ATXN1: variants seen among roughly 807,000 people sequenced by gnomAD.
ATXN1 encodes the protein ataxin 1, also known as ataxin-1.
A neutral mutation model predicts 56.4 loss-of-function variants in ATXN1; 8 were observed. The ratio of observed to expected loss-of-function variants is 0.14; its 90% CI spans 0.08 to 0.26. The LOEUF is 0.26. Ranked by LOEUF, ATXN1 falls within the 10% of genes least tolerant of loss-of-function variation. ATXN1 has a pLI of 1.00. For synonymous variants in ATXN1, 514 were observed against 494.6 expected (o/e 1.04, Z -0.52); for missense variants, 987 against 1,106.5 (o/e 0.89, Z 1.53).
chr6:16,398,812 C>T (rs945385647), intron 6 of ATXN1, among the ~76,000 whole-genome samples: 1 of 152,206 alleles, frequency 6.6e-6, no homozygotes, highest in African/African-American at 2.4e-5. Context: ...CACAACACTG[C>T]TTATGAATTG....
chr6:16,629,334 C>T (rs950048331), intron 3 of ATXN1, among the ~76,000 whole-genome samples: 7 of 152,064 alleles, frequency 4.6e-5, no homozygotes, highest in African/African-American at 1.7e-4. Context: ...AACCTTCTCC[C>T]CGCCTCCCCC....
intron 3 of ATXN1, among the ~76,000 whole-genome samples, chr6:16,602,138 A>T (rs145923933): frequency 1.2e-3 from 183 of 152,288 alleles, no homozygotes; most frequent in African/African-American, 4.0e-3. Context: ...AAAGATAAGC[A>T]GAGTTGTCTT....
intron 3 of ATXN1, among the ~76,000 whole-genome samples, chr6:16,592,154 C>T (rs895025447): frequency 6.6e-6 from 1 of 152,094 alleles, no homozygotes; most frequent in African/African-American, 2.4e-5. Flanking sequence ...GAATAAGCGA[C>T]GACTCCCGGG....
intron 6 of ATXN1, among the ~76,000 whole-genome samples, chr6:16,342,045 T>C (rs1186409649): frequency 2.0e-5 from 3 of 151,876 alleles, no homozygotes; most frequent in Non-Finnish European, 4.4e-5. Flanking sequence ...CTGGCTATGT[T>C]ATTTTTATTT....
intron 2 of ATXN1, among the ~76,000 whole-genome samples, chr6:16,683,778 C>T (rs1001804318): frequency 5.9e-5 from 9 of 152,178 alleles, no homozygotes; most frequent in African/African-American, 1.9e-4. Flanking sequence ...ATTGCTCTGC[C>T]GCCACCATGG....
At chr6:16,384,976 T>C (rs1484927575) in intron 6 of ATXN1, among the ~76,000 whole-genome samples, 3 of 152,234 alleles carry the variant, frequency 2.0e-5, no homozygotes, top group African/African-American at 4.8e-5. Flanking sequence ...ATGAGTTTCA[T>C]GGGTGGGAAG....
chr6:16,436,636 G>A (rs535527409), intron 6 of ATXN1, among the ~76,000 whole-genome samples: 1 of 151,958 alleles, frequency 6.6e-6, no homozygotes, highest in African/African-American at 2.4e-5. Flanking sequence ...CCTGGGGTGG[G>A]CTCCTGTGTG....
chr6:16,617,386 T>A (rs1394528344), intron 3 of ATXN1, among the ~76,000 whole-genome samples: 1 of 151,276 alleles, frequency 6.6e-6, no homozygotes, highest in Non-Finnish European at 1.5e-5. Flanking sequence ...TATGTACACA[T>A]GAAAGAATAA....
At position 16,303,708 on chromosome 6, in the gene ATXN1, G is replaced by A. The variant is rs1219122352; in HGVS notation, c.*2621C>T. On this transcript the variant is annotated 3_prime_UTR_variant, in exon 8 of 8. Coordinates refer to ENST00000436367, the MANE Select transcript of ATXN1 (RefSeq NM_001128164.2). This position sits in a 1 kb window ranked among gnomAD's most constrained non-coding sequence, Gnocchi z 4.3. Reference sequence around the variant, plus strand: ...TTTCCCATCTTAGTGTTGGTTTAGTGGATCCAGTCAATTCAATACTCGAAG... The same window carrying A: ...TTTCCCATCTTAGTGTTGGTTTAGTAGATCCAGTCAATTCAATACTCGAAG... 1 of 152,578 alleles carries A rather than the reference G, an allele frequency of 6.6e-6. No homozygotes were observed. The highest frequency in any genetic ancestry group is 1.5e-5 in the Non-Finnish European group (1 of 68,032). The allele number at this position is 152,578 out of a possible 1,614,324, so 9.5% of individuals were successfully genotyped here. A position where few individuals can be genotyped will look rare whatever the true frequency, so the allele number is the denominator to read the frequency against.
intron 6 of ATXN1, among the ~76,000 whole-genome samples, chr6:16,375,624 T>C (rs1762127862): frequency 6.6e-6 from 1 of 152,164 alleles, no homozygotes; most frequent in Admixed American, 6.5e-5. Flanking sequence ...CATTTGTAAG[T>C]GAGTGCTGGA....
At chr6:16,460,883 A>C (rs568587061) in intron 6 of ATXN1, among the ~76,000 whole-genome samples, 22 of 152,260 alleles carry the variant, frequency 1.4e-4, no homozygotes, top group Non-Finnish European at 2.2e-4. Flanking sequence ...CGGGAAAGGA[A>C]AAAAGAATAA....
At chr6:16,719,271 AT>A (rs939486767) in intron 2 of ATXN1, among the ~76,000 whole-genome samples, 35 of 152,272 alleles carry the variant, frequency 2.3e-4, no homozygotes, top group East Asian at 5.8e-4. Context: ...ATAAACATAC[AT>A]TTTTTTATAC....
chr6:16,445,574 C>T (rs576581537), intron 6 of ATXN1, among the ~76,000 whole-genome samples: 1 of 151,540 alleles, frequency 6.6e-6, no homozygotes, highest in African/African-American at 2.4e-5. Flanking sequence ...GCACAATGTG[C>T]AGGTTAGTTA....
intron 4 of ATXN1, among the ~76,000 whole-genome samples, chr6:16,584,016 A>G (rs182614784): frequency 8.6e-5 from 13 of 151,792 alleles, no homozygotes; most frequent in Admixed American, 7.2e-4. Flanking sequence ...AACATTTCAT[A>G]TATATTATTT....
chr6:16,404,043 T>C (rs1374841900), intron 6 of ATXN1, among the ~76,000 whole-genome samples: 1 of 152,132 alleles, frequency 6.6e-6, no homozygotes, highest in Admixed American at 6.5e-5. Flanking sequence ...TGGGATAATA[T>C]GGTAAATTCT....
At chr6:16,574,303 T>G (rs1762383658) in intron 4 of ATXN1, among the ~76,000 whole-genome samples, 1 of 152,258 alleles carries the variant, frequency 6.6e-6, no homozygotes, top group African/African-American at 2.4e-5. Context: ...CCTCCGGGGT[T>G]CAAGTGCTTC....
chr6:16,434,992 A>C (rs1317630949), intron 6 of ATXN1, among the ~76,000 whole-genome samples: 1 of 152,124 alleles, frequency 6.6e-6, no homozygotes, highest in Admixed American at 6.5e-5. Flanking sequence ...GAAGAGAGAG[A>C]GTGCATTCGA....
intron 6 of ATXN1, among the ~76,000 whole-genome samples, chr6:16,430,241 C>T (rs1257601633): frequency 6.6e-6 from 1 of 151,602 alleles, no homozygotes; most frequent in Non-Finnish European, 1.5e-5. Flanking sequence ...TCCCCCACAT[C>T]TCTGATTTGG....
chr6:16,482,010 G>GA (rs955374158), intron 6 of ATXN1, among the ~76,000 whole-genome samples: 3 of 148,734 alleles, frequency 2.0e-5, no homozygotes, highest in African/African-American at 7.4e-5. Flanking sequence ...GATAGGTCTA[G>GA]AATTTTTTTT....
Sources: gnomAD v4.1 joint callset for allele counts (sites outside exome capture counted in the v4.1 genomes callset) on GRCh38, gnomAD v4.1.1 for gene constraint, Gnocchi (gnomAD v3.1) non-coding constraint, MANE v1.5 for transcripts, NCBI Gene and HGNC (gene_info 2026-07-23, HGNC 2026-07-21) for gene names.